SOX5: variants seen among roughly 807,000 people sequenced by gnomAD.
SOX5 encodes the protein transcription factor SOX-5.
Under a neutral mutation model 92.0 loss-of-function variants are expected in SOX5, and 9 were observed. The ratio of observed to expected loss-of-function variants is 0.10; its 90% CI spans 0.06 to 0.17. The LOEUF is 0.17. SOX5 is among the 10% of genes least tolerant of loss of function. SOX5 has a pLI of 1.00. For missense variants in SOX5, 642 were observed against 944.5 expected, an observed-to-expected ratio of 0.68 and a Z score of 4.20; for synonymous variants, 344 against 336.3, an observed-to-expected ratio of 1.02 and a Z score of -0.25.
At chr12:23,564,502 G>C (rs1242299068) in intron 10 of SOX5, among the ~76,000 whole-genome samples, 3 of 152,158 alleles carry the variant, frequency 2.0e-5, no homozygotes, top group South Asian at 4.1e-4. Flanking sequence ...CAGATGGAGG[G>C]ACTGTGAGAC....
intron 2 of SOX5, among the ~76,000 whole-genome samples, chr12:24,278,617 G>A (rs376935879): frequency 2.0e-5 from 3 of 152,158 alleles, no homozygotes; most frequent in East Asian, 3.9e-4. Context: ...AGAATGAGGT[G>A]AGAGGACTGC....
intron 1 of SOX5, among the ~76,000 whole-genome samples, chr12:24,443,260 G>T (rs1940941345): frequency 6.6e-6 from 1 of 152,040 alleles, no homozygotes; most frequent in South Asian, 2.1e-4. Flanking sequence ...GCCAGTTTAT[G>T]GATTATTTTT....
At chr12:24,348,364 C>CTATTTATT (rs55635240) in intron 2 of SOX5, among the ~76,000 whole-genome samples, 29,944 of 142,470 alleles carry the variant, frequency 0.21, 4,004 homozygotes, top group East Asian at 0.53. Context: ...CTATTGACTC[C>CTATTTATT]TATTTATTTA....
intron 6 of SOX5, among the ~76,000 whole-genome samples, chr12:23,718,131 T>C (rs1191733822): frequency 1.3e-5 from 2 of 152,248 alleles, no homozygotes; most frequent in South Asian, 2.1e-4. Flanking sequence ...GCCATAAATA[T>C]GTGTGTATGT....
At chr12:24,375,269 T>G (rs957278866) in intron 1 of SOX5, among the ~76,000 whole-genome samples, 3 of 151,748 alleles carry the variant, frequency 2.0e-5, no homozygotes, top group African/African-American at 7.3e-5. Context: ...CACCGTGCCC[T>G]GCAAGAGTGG....
chr12:23,824,455 G>C (rs151146833), intron 3 of SOX5, among the ~76,000 whole-genome samples: 119 of 152,326 alleles, frequency 7.8e-4, no homozygotes, highest in African/African-American at 2.8e-3. Context: ...TGAGGCTGTA[G>C]AACAGCAAAG....
At chr12:24,286,631 G>A (rs759671231) in intron 2 of SOX5, among the ~76,000 whole-genome samples, 2 of 152,094 alleles carry the variant, frequency 1.3e-5, no homozygotes, top group Non-Finnish European at 2.9e-5. Flanking sequence ...TCAAACTCCT[G>A]GGCTCAGGTG....
chr12:23,704,582 T>C (rs2140263767), intron 6 of SOX5, among the ~76,000 whole-genome samples: 1 of 150,854 alleles, frequency 6.6e-6, no homozygotes, highest in African/African-American at 2.4e-5. Context: ...TAAGACATAT[T>C]AATCCAACTG....
intron 1 of SOX5, among the ~76,000 whole-genome samples, chr12:24,397,175 T>TTCA (rs1288979588): frequency 2.0e-5 from 3 of 152,204 alleles, no homozygotes; most frequent in Admixed American, 6.5e-5. Context: ...AAGGCTTGCT[T>TTCA]TCATTCTTTT....
At chr12:23,957,758 T>C (rs1333310138) in intron 4 of SOX5, among the ~76,000 whole-genome samples, 2 of 152,194 alleles carry the variant, frequency 1.3e-5, no homozygotes, top group Non-Finnish European at 2.9e-5. Flanking sequence ...GATGAAAATA[T>C]AATATACGCA....
At chr12:23,941,904 T>C (rs1943719948) in intron 1 of SOX5, among the ~76,000 whole-genome samples, 1 of 150,122 alleles carries the variant, frequency 6.7e-6, no homozygotes, top group Non-Finnish European at 1.5e-5. Context: ...CCCTGCAACC[T>C]CTTTTCAAAC....
At chr12:23,678,705 GAT>G (rs1267325906) in intron 6 of SOX5, among the ~76,000 whole-genome samples, 1 of 151,280 alleles carries the variant, frequency 6.6e-6, no homozygotes, top group Non-Finnish European at 1.5e-5. Context: ...AACCCTATAA[GAT>G]AAATATTTTC....
rs773365378 is a variant in SOX5 at position 23,875,480 on chromosome 12, T to C, written c.270+20313A>G. On this transcript the variant is annotated intron_variant, in intron 2 of 14. Coordinates refer to ENST00000451604, the MANE Select transcript of SOX5 (RefSeq NM_006940.6). ...TCTGCAAAAAATCCTTACTGTTTTT[T>C]CTTTAGTAAAAAAGTTTCATTATTT... Among the ~76,000 whole-genome samples, 5 of 152,250 alleles carry C rather than the reference T, an allele frequency of 3.3e-5. No individual in the cohort carries two copies. In the South Asian group the frequency reaches 1.0e-3, roughly 32 times the overall value.
At chr12:23,926,319 G>A (rs989386876) in intron 1 of SOX5, among the ~76,000 whole-genome samples, 1 of 151,966 alleles carries the variant, frequency 6.6e-6, no homozygotes, top group African/African-American at 2.4e-5. Context: ...TTCTTTACTG[G>A]ACGTCTCAGA....
intron 2 of SOX5, among the ~76,000 whole-genome samples, chr12:23,887,530 C>T (rs1241815007): frequency 1.3e-5 from 2 of 152,070 alleles, no homozygotes; most frequent in African/African-American, 4.8e-5. Flanking sequence ...CTATCCATGC[C>T]ACAAAAATCA....
At chr12:24,446,015 G>A (rs918065917) in intron 1 of SOX5, among the ~76,000 whole-genome samples, 1 of 152,154 alleles carries the variant, frequency 6.6e-6, no homozygotes, top group African/African-American at 2.4e-5. Context: ...GGAAACCTCA[G>A]AGATAAGTGC....
chr12:24,001,654 C>CA lies in SOX5; in HGVS notation c.-1-105631dup, dbSNP rs530421382. The stretch of plus-strand genomic sequence containing the variant: ...GCAACACAGTGAGACCCCATCTCTA[C>CA]AAAAAAATTTTAAAAATGCATTTGT... On this transcript the variant is annotated intron_variant, in intron 4 of 4. Coordinates refer to the SOX5 transcript ENST00000446891. 1.1e-4 allele frequency among the ~76,000 whole-genome samples: 15 copies of CA among 141,852 alleles called. No individual in the cohort carries two copies. In the South Asian group the frequency reaches 2.8e-3, roughly 26 times the overall value. 93.1% of individuals were successfully genotyped at this position (141,852 alleles called of 152,430 possible).
At chr12:24,557,914 G>A (rs191096077) in intron 1 of SOX5, among the ~76,000 whole-genome samples, 5 of 152,230 alleles carry the variant, frequency 3.3e-5, no homozygotes, top group Admixed American at 3.3e-4. Context: ...TTATTTACAT[G>A]CATTCAAATT....
intron 1 of SOX5, among the ~76,000 whole-genome samples, chr12:23,937,176 T>A (rs12424632): frequency 9.5e-4 from 144 of 151,122 alleles, no homozygotes; most frequent in Admixed American, 8.3e-3. Context: ...ATATCTCAGC[T>A]AAAGATAATA....
Sources: gnomAD v4.1 joint callset for allele counts (sites outside exome capture counted in the v4.1 genomes callset) on GRCh38, gnomAD v4.1.1 for gene constraint, MANE v1.5 for transcripts, NCBI Gene and HGNC (gene_info 2026-07-23, HGNC 2026-07-21) for gene names.